The following SLX4IP variants were observed in gnomAD, a reference collection of about 807,000 sequenced individuals.
SLX4IP encodes the protein protein SLX4IP.
Under a neutral mutation model 32.9 loss-of-function variants are expected in SLX4IP, and 34 were observed. That is an observed-to-expected ratio of 1.03 (90% confidence interval 0.79 to 1.38). The LOEUF is 1.38. SLX4IP is among the 40% of genes most tolerant of loss of function. The pLI is 0.00. For synonymous variants in SLX4IP, 172 were observed against 171.7 expected (o/e 1.00, Z -0.01); for missense variants, 444 against 479.0 (o/e 0.93, Z 0.68).
At chr20:10,582,399 T>C (rs1407344150) in intron 4 of SLX4IP, among the ~76,000 whole-genome samples, 1 of 152,238 alleles carries the variant, frequency 6.6e-6, no homozygotes, top group African/African-American at 2.4e-5. Flanking sequence ...ACCTGCATTC[T>C]GTGTTTTTAG....
In SLX4IP at chr20:10,621,380, A is replaced by G. The variant is rs1368245654; in HGVS notation, c.472A>G (p.Ser158Gly). The stretch of plus-strand genomic sequence containing the variant: ...GTGTGCAGAGAGTTCACTTCCTCCC[A>G]GTGCAAAGCTCCGGAGAAATGCTCT... ...AECAESSLPP[S>G]AKLRRNALKE... The change falls in exon 7 of 8, where the codon AGT becomes GGT. Residue 158 changes from serine (S) to glycine (G), a missense_variant. Ser to Gly is a moderately conservative substitution (Grantham distance 56). Transcript: ENST00000334534. The G allele has an allele frequency of 1.9e-6, 3 of 1,614,092 alleles. No homozygotes were observed. Among genetic ancestry groups the G allele is most frequent in the African/African-American group, 1.3e-5 (1 of 74,934 alleles).
chr20:10,532,252 A>G (rs2065996093), intron 2 of SLX4IP, among the ~76,000 whole-genome samples: 1 of 152,234 alleles, frequency 6.6e-6, no homozygotes, highest in Admixed American at 6.5e-5. Context: ...GTCACCACCA[A>G]GAAATCATAA....
Position 10,560,777 on chromosome 20 carries a change from A to G in SLX4IP, c.195A>G (p.Pro65=). Residue 65 remains proline (P), a synonymous_variant, in exon 4 of 8, where the codon CCA becomes CCG. Coordinates refer to ENST00000334534, the MANE Select transcript of SLX4IP (RefSeq NM_001009608.3). ...TGGAAGTTCGCAAACAGCACAGGCC[A>G]TCAAATGCAGAATTCACAAGATCCA... ...EYLEVRKQHR[P]SNAEFTRSNP... is the part of the protein sequence containing the mutation. The G allele has an allele frequency of 6.2e-7, 1 of 1,608,634 alleles. No individual in the cohort carries two copies. Among genetic ancestry groups the G allele is most frequent in the Non-Finnish European group, 8.5e-7 (1 of 1,177,460 alleles).
At chr20:10,553,328 CAAG>C (rs1174502207) in intron 2 of SLX4IP, among the ~76,000 whole-genome samples, 1 of 152,142 alleles carries the variant, frequency 6.6e-6, no homozygotes, top group Non-Finnish European at 1.5e-5. Flanking sequence ...CCTTAATAAA[CAAG>C]GACATACATT....
intron 2 of SLX4IP, among the ~76,000 whole-genome samples, chr20:10,459,707 T>C (rs1054322819): frequency 6.6e-6 from 1 of 152,190 alleles, no homozygotes; most frequent in African/African-American, 2.4e-5. Flanking sequence ...CCCTCTTTCA[T>C]TTTCCTCTTA....
At chr20:10,479,079 T>C (rs1173008246) in intron 2 of SLX4IP, among the ~76,000 whole-genome samples, 2 of 152,160 alleles carry the variant, frequency 1.3e-5, no homozygotes, top group African/African-American at 4.8e-5. Flanking sequence ...GGGACTGGCA[T>C]TGGAGAAGGA....
At chr20:10,515,902 G>C (rs1328736177) in intron 2 of SLX4IP, among the ~76,000 whole-genome samples, 1 of 152,126 alleles carries the variant, frequency 6.6e-6, no homozygotes, top group Non-Finnish European at 1.5e-5. Context: ...TGTGGTTGTT[G>C]TTTTGAGACT....
At chr20:10,448,249 C>G (rs1321322468) in intron 1 of SLX4IP, among the ~76,000 whole-genome samples, 1 of 152,098 alleles carries the variant, frequency 6.6e-6, no homozygotes, top group Non-Finnish European at 1.5e-5. Flanking sequence ...CCTTCTTACT[C>G]TTTTCTCTGG....
At chr20:10,614,096 C>T in intron 6 of SLX4IP, 1 of 1,534,724 alleles carries the variant, frequency 6.5e-7, no homozygotes, top group Middle Eastern at 2.3e-4. Context: ...CCAGGTGTAC[C>T]TGCAGGGACA....
intron 2 of SLX4IP, among the ~76,000 whole-genome samples, chr20:10,516,786 A>G (rs77961409): frequency 0.05 from 7,559 of 152,280 alleles, 260 homozygotes; most frequent in Admixed American, 0.11. Context: ...ATTGGCTTTT[A>G]TTCATCTTTC....
At chr20:10,554,156 C>T (rs373438386) in intron 2 of SLX4IP, among the ~76,000 whole-genome samples, 1 of 152,178 alleles carries the variant, frequency 6.6e-6, no homozygotes, top group Non-Finnish European at 1.5e-5. Context: ...GTTTTGATTC[C>T]TTTCATCACA....
At chr20:10,495,534 T>A (rs549765843) in intron 2 of SLX4IP, among the ~76,000 whole-genome samples, 4 of 152,336 alleles carry the variant, frequency 2.6e-5, no homozygotes, top group South Asian at 2.1e-4. Flanking sequence ...TATTTATTAA[T>A]GTTTTTGCTT....
chr20:10,474,691 C>A (rs1486633480), intron 2 of SLX4IP, among the ~76,000 whole-genome samples: 1 of 152,260 alleles, frequency 6.6e-6, no homozygotes, highest in Non-Finnish European at 1.5e-5. Flanking sequence ...GCCTTGTTCA[C>A]TTCCTTTTTT....
intron 4 of SLX4IP, among the ~76,000 whole-genome samples, chr20:10,566,283 A>ATTTTTTTTTT (rs59907123): frequency 6.1e-5 from 6 of 97,858 alleles, no homozygotes; most frequent in African/African-American, 9.0e-5. Context: ...AACTGATTAC[A>ATTTTTTTTTT]TTTTTTTTTT....
chr20:10,518,218 A>C (rs1333904672), intron 2 of SLX4IP, among the ~76,000 whole-genome samples: 1 of 152,214 alleles, frequency 6.6e-6, no homozygotes, highest in African/African-American at 2.4e-5. Context: ...ATGTTCTGTT[A>C]GGAAGATATA....
intron 1 of SLX4IP, among the ~76,000 whole-genome samples, chr20:10,439,282 C>T (rs1019807726): frequency 1.3e-5 from 2 of 151,930 alleles, no homozygotes; most frequent in East Asian, 3.9e-4. Flanking sequence ...GATCTCAGCT[C>T]GCTGCAGCCT....
intron 2 of SLX4IP, among the ~76,000 whole-genome samples, chr20:10,465,330 C>T (rs888279239): frequency 2.0e-5 from 3 of 151,992 alleles, no homozygotes; most frequent in African/African-American, 7.2e-5. Context: ...AATGTTTTAC[C>T]GGAATCCAGC....
At chr20:10,511,660 T>G (rs1157849459) in intron 2 of SLX4IP, among the ~76,000 whole-genome samples, 1 of 152,254 alleles carries the variant, frequency 6.6e-6, no homozygotes, top group Non-Finnish European at 1.5e-5. Flanking sequence ...GTACTCTTAC[T>G]ACCCCAGCTT....
intron 2 of SLX4IP, among the ~76,000 whole-genome samples, chr20:10,544,844 G>T (rs1257865129): frequency 6.6e-6 from 1 of 151,976 alleles, no homozygotes; most frequent in African/African-American, 2.4e-5. Flanking sequence ...ACTTCATCAG[G>T]TATTTTTTTC....
Sources: gnomAD v4.1 joint callset for allele counts (sites outside exome capture counted in the v4.1 genomes callset) on GRCh38, gnomAD v4.1.1 for gene constraint, MANE v1.5 for transcripts, NCBI Gene and HGNC (gene_info 2026-07-23, HGNC 2026-07-21) for gene names.